WWTR1: variants seen among roughly 807,000 people sequenced by gnomAD.
The protein encoded by WWTR1 is WW domain-containing transcription regulator protein 1.
WWTR1 carries 13 observed loss-of-function variants against 40.1 expected under a neutral mutation model. That is an observed-to-expected ratio of 0.32 (90% confidence interval 0.21 to 0.52). The LOEUF (loss-of-function observed/expected upper bound fraction) is 0.52, where lower values mean the gene tolerates loss of function less well. Ranked by LOEUF, WWTR1 falls within the 20% of genes least tolerant of loss-of-function variation. The pLI is 0.97. For missense variants in WWTR1, 436 were observed against 523.1 expected (o/e 0.83, Z 1.63); for synonymous variants, 230 against 210.1 (o/e 1.09, Z -0.82).
intron 2 of WWTR1, among the ~76,000 whole-genome samples, chr3:149,637,922 C>A (rs1711927091): frequency 6.6e-6 from 1 of 152,084 alleles, no homozygotes; most frequent in South Asian, 2.1e-4. Context: ...CTCTGTATGA[C>A]ATATGCAGTG....
In WWTR1 at chr3:149,557,302, C is replaced by G. The variant is rs147993149; in HGVS notation, c.569-14765G>C. On this transcript the variant is annotated intron_variant, in intron 3 of 6. Transcript: ENST00000360632. Reference sequence around the variant, plus strand: ...GGCCAGGCTGATCTCGAACGCCTGACCTCAGCTGATCCGCCCGCCTGGGCC... The same window carrying G: ...GGCCAGGCTGATCTCGAACGCCTGAGCTCAGCTGATCCGCCCGCCTGGGCC... 8.5e-5 allele frequency among the ~76,000 whole-genome samples: 13 copies of G among 152,154 alleles called. No homozygotes were observed. In the East Asian group the frequency reaches 2.5e-3, roughly 30 times the overall value.
At chr3:149,631,841 T>C (rs1711560499) in intron 2 of WWTR1, among the ~76,000 whole-genome samples, 1 of 152,166 alleles carries the variant, frequency 6.6e-6, no homozygotes, top group African/African-American at 2.4e-5. Flanking sequence ...GCAACTAGGG[T>C]GGTGATCCTG....
chr3:149,611,901 G>A (rs1248150239), intron 2 of WWTR1, among the ~76,000 whole-genome samples: 1 of 152,204 alleles, frequency 6.6e-6, no homozygotes, highest in African/African-American at 2.4e-5. Context: ...TTGCATGTCA[G>A]TTTAATTTCA....
intron 2 of WWTR1, among the ~76,000 whole-genome samples, chr3:149,618,084 T>C (rs1740078125): frequency 1.3e-5 from 2 of 152,198 alleles, no homozygotes; most frequent in South Asian, 2.1e-4. Flanking sequence ...CTTTTAAGGG[T>C]TACTTTTTAA....
intron 1 of WWTR1, among the ~76,000 whole-genome samples, chr3:149,686,299 A>G (rs1045609833): frequency 6.6e-6 from 1 of 152,162 alleles, no homozygotes; most frequent in Non-Finnish European, 1.5e-5. Flanking sequence ...CAGGCATCAC[A>G]TCTCAGACAT....
intron 5 of WWTR1, among the ~76,000 whole-genome samples, chr3:149,714,041 T>C (rs975906020): frequency 1.3e-5 from 2 of 152,150 alleles, no homozygotes; most frequent in African/African-American, 4.8e-5. Flanking sequence ...GCAGCCGCCG[T>C]GATGGGGCCA....
intron 2 of WWTR1, among the ~76,000 whole-genome samples, chr3:149,625,193 C>G (rs575970484): frequency 6.9e-6 from 1 of 145,908 alleles, no homozygotes; most frequent in African/African-American, 2.5e-5. Context: ...GCGATCTCAG[C>G]TCACTGCAAG....
intron 2 of WWTR1, among the ~76,000 whole-genome samples, chr3:149,613,090 T>C (rs1739809489): frequency 6.6e-6 from 1 of 152,212 alleles, no homozygotes; most frequent in Admixed American, 6.5e-5. Context: ...TGGCTTTTTA[T>C]ACTTTCAGGA....
intron 2 of WWTR1, among the ~76,000 whole-genome samples, chr3:149,629,050 G>A (rs567160312): frequency 6.6e-6 from 1 of 152,340 alleles, no homozygotes; most frequent in South Asian, 2.1e-4. Flanking sequence ...GGGATTACCA[G>A]GCATCAGCCA....
chr3:149,571,377 A>G (rs1018046948), intron 3 of WWTR1, among the ~76,000 whole-genome samples: 2 of 151,946 alleles, frequency 1.3e-5, no homozygotes, highest in African/African-American at 2.4e-5. Flanking sequence ...AATGCCACCT[A>G]ATTTGGGGTC....
chr3:149,609,004 G>A (rs1418429656), intron 2 of WWTR1, among the ~76,000 whole-genome samples: 1 of 152,186 alleles, frequency 6.6e-6, no homozygotes, highest in Non-Finnish European at 1.5e-5. Flanking sequence ...TGGAGGTAGA[G>A]GTAGCAGTGA....
rs911432778 is a variant in WWTR1 at position 149,523,478 on chromosome 3, C to A, written c.1019-2489G>T. On this transcript the variant is annotated intron_variant, in intron 6 of 6. Transcript: ENST00000360632. ...GGTCAGGCTGGTCTTGAACTCCCAA[C>A]CTCAGGTGATCCACCCACCTCGGCC... is the stretch of plus-strand genomic sequence containing the variant. Among the ~76,000 whole-genome samples, 6 of 152,282 alleles carry A rather than the reference C, an allele frequency of 3.9e-5. No individual in the cohort carries two copies. In the East Asian group the frequency reaches 1.2e-3, roughly 30 times the overall value.
intron 5 of WWTR1, among the ~76,000 whole-genome samples, chr3:149,713,759 G>A (rs1715530336): frequency 6.6e-6 from 1 of 152,198 alleles, no homozygotes; most frequent in African/African-American, 2.4e-5. Flanking sequence ...AGCAGCAGAG[G>A]GGCATGGGCA....
rs1227463314 is a variant in WWTR1 at position 149,518,905 on chromosome 3, C to T, written c.*1900G>A. ...TCCATTTCACAACTAGTATCCTTTC[C>T]ACGATATTCCATAACTTTGCTACTT... On this transcript the variant is annotated 3_prime_UTR_variant, in exon 7 of 7. Coordinates refer to ENST00000360632, the MANE Select transcript of WWTR1 (RefSeq NM_015472.6). 1 of 151,684 alleles carries T rather than the reference C, an allele frequency of 6.6e-6. No individual in the cohort carries two copies. Among genetic ancestry groups the T allele is most frequent in the Non-Finnish European group, 1.5e-5 (1 of 67,986 alleles). 9.4% of individuals were successfully genotyped at this position (151,684 alleles called of 1,614,324 possible). A position where few individuals can be genotyped will look rare whatever the true frequency, so the allele number is the denominator to read the frequency against.
chr3:149,642,707 G>A (rs1395817368), intron 2 of WWTR1, among the ~76,000 whole-genome samples: 3 of 151,454 alleles, frequency 2.0e-5, no homozygotes, highest in African/African-American at 4.9e-5. Flanking sequence ...CCCGGGAGGC[G>A]GAGCTTGCAG....
intron 6 of WWTR1, among the ~76,000 whole-genome samples, chr3:149,525,029 G>A (rs1352258811): frequency 2.6e-5 from 4 of 152,140 alleles, no homozygotes; most frequent in Non-Finnish European, 5.9e-5. Context: ...TTCTGCAATT[G>A]GAAGTCTCAC....
intron 2 of WWTR1, among the ~76,000 whole-genome samples, chr3:149,587,246 T>A (rs1176521584): frequency 3.9e-5 from 6 of 152,182 alleles, no homozygotes; most frequent in Admixed American, 3.9e-4. Flanking sequence ...GGACACCCAG[T>A]TGGTGTCTGC....
intron 4 of WWTR1, among the ~76,000 whole-genome samples, chr3:149,531,142 C>T (rs550888433): frequency 6.6e-6 from 1 of 152,106 alleles, no homozygotes; most frequent in Admixed American, 6.5e-5. Context: ...GCCATGTTGC[C>T]CATGCTGGTC....
At chr3:149,625,850 A>T (rs1740522434) in intron 2 of WWTR1, among the ~76,000 whole-genome samples, 2 of 152,084 alleles carry the variant, frequency 1.3e-5, no homozygotes. Flanking sequence ...AAAAGGAAAC[A>T]AGTTGTTCTA....
Sources: gnomAD v4.1 joint callset for allele counts (sites outside exome capture counted in the v4.1 genomes callset) on GRCh38, gnomAD v4.1.1 for gene constraint, MANE v1.5 for transcripts, NCBI Gene and HGNC (gene_info 2026-07-23, HGNC 2026-07-21) for gene names.